The following REV3L variants were observed in gnomAD, a reference collection of about 807,000 sequenced individuals.
REV3L encodes REV3 like, DNA directed polymerase zeta catalytic subunit.
REV3L carries 69 observed loss-of-function variants against 299.4 expected under a neutral mutation model. The observed-to-expected ratio is 0.23, with a 90% CI of 0.19 to 0.28. The LOEUF (loss-of-function observed/expected upper bound fraction) is 0.28. Ranked by LOEUF, REV3L falls within the 10% of genes least tolerant of loss-of-function variation. The probability of loss-of-function intolerance (pLI) is 1.00; values close to 1 mark genes in which losing one functional copy is unlikely to be tolerated. For missense variants in REV3L, 3,128 were observed against 3,693.8 expected, an observed-to-expected ratio of 0.85 and a Z score of 3.97; for synonymous variants, 1,238 against 1,271.4, an observed-to-expected ratio of 0.97 and a Z score of 0.56.
chr6:111,395,867 T>C (rs1045010131), intron 4 of REV3L, among the ~76,000 whole-genome samples: 1 of 152,220 alleles, frequency 6.6e-6, no homozygotes, highest in African/African-American at 2.4e-5. Flanking sequence ...GATCCTTCTA[T>C]GATTAACTTA....
At chr6:111,332,361 A>T (rs532453831) in intron 23 of REV3L, among the ~76,000 whole-genome samples, 36 of 152,132 alleles carry the variant, frequency 2.4e-4, no homozygotes, top group Non-Finnish European at 4.4e-4. Flanking sequence ...GTGAGCCACC[A>T]CGTCCAGCCC....
At chr6:111,377,130 A>G (rs1780393362) in intron 12 of REV3L, among the ~76,000 whole-genome samples, 1 of 152,206 alleles carries the variant, frequency 6.6e-6, no homozygotes, top group South Asian at 2.1e-4. Flanking sequence ...ACAAACATTA[A>G]AGTTTTCAAA....
intron 1 of REV3L, among the ~76,000 whole-genome samples, chr6:111,445,381 TAA>T (rs1788724227): frequency 1.3e-5 from 2 of 152,104 alleles, no homozygotes; most frequent in African/African-American, 4.8e-5. Flanking sequence ...ATCCAAAATA[TAA>T]GTTGCAATTT....
At chr6:111,341,300 G>A (rs899509459) in intron 21 of REV3L, among the ~76,000 whole-genome samples, 1 of 152,144 alleles carries the variant, frequency 6.6e-6, no homozygotes, top group African/African-American at 2.4e-5. Context: ...CGCCCGCCTC[G>A]GCATTCCAAA....
rs1305504440 is a variant in REV3L at position 111,376,617 on chromosome 6, T to C, written c.1738A>G (p.Lys580Glu). The change falls in exon 13 of 32, where the codon AAA (lysine) becomes GAA (glutamate). Residue 580 changes from lysine (K) to glutamate (E), a missense_variant. By Grantham distance (56) the Lys-to-Glu change is moderately conservative. Transcript: ENST00000368802. Reference protein sequence around the residue: ...SSSAKITFQCKHTSALSSHVL... With the variant: ...SSSAKITFQCEHTSALSSHVL... Reference sequence around the variant, plus strand: ...TGGGAAGAAAGGGCACTTGTGTGTTTACACTGAAAGGTAATCTTAGCAGAA... The same window carrying C: ...TGGGAAGAAAGGGCACTTGTGTGTTCACACTGAAAGGTAATCTTAGCAGAA... 1 of 1,613,394 alleles carries C rather than the reference T, an allele frequency of 6.2e-7. No individual in the cohort carries two copies. The highest frequency in any genetic ancestry group is 8.5e-7 in the Non-Finnish European group (1 of 1,179,874).
In REV3L at chr6:111,357,076, G is replaced by A. The variant is rs768366641; in HGVS notation, c.7122C>T (p.Leu2374=). ...PLLIRSGITG[L]EVTYAADEKA... ...TCTCATCAGCAGCATAGGTGACTTC[G>A]AGTCCTGTAATTCCAGATCTAATAA... The change falls in exon 18 of 32, where the codon CTC becomes CTT. Residue 2374 remains leucine, a synonymous_variant. Transcript: ENST00000368802. 4.6e-5 allele frequency: 73 copies of A among 1,600,788 alleles called. No homozygotes were observed. The Middle Eastern group carries it at 6.6e-4, about 15-fold the overall frequency.
rs926261981 is a variant in REV3L, at chr6:111,475,016, CACACACAT to C, written c.139+7726_139+7733del. 1.5e-4 allele frequency among the ~76,000 whole-genome samples: 19 copies of C among 126,366 alleles called. No homozygotes were observed. In the South Asian group the frequency reaches 1.6e-3, roughly 11 times the overall value. The allele number at this position is 126,366 out of a possible 152,430, so 82.9% of individuals were successfully genotyped here. A position where few individuals can be genotyped will look rare whatever the true frequency, so the allele number is the denominator to read the frequency against. ...ACACACACACACACACACACACACACACACACATATGGATTTTATTATAATAAAGAATT... is the reference window on the plus strand; with the variant it reads ...ACACACACACACACACACACACACACATGGATTTTATTATAATAAAGAATT... On this transcript the variant is annotated intron_variant, in intron 1 of 31. Coordinates refer to ENST00000368802, the MANE Select transcript of REV3L (RefSeq NM_001372078.1).
intron 20 of REV3L, among the ~76,000 whole-genome samples, chr6:111,346,355 C>A (rs1244687640): frequency 6.6e-6 from 1 of 152,138 alleles, no homozygotes; most frequent in Non-Finnish European, 1.5e-5. Context: ...ATAAGCATTA[C>A]TATTTAAGAG....
chr6:111,449,745 C>A (rs574858714), intron 1 of REV3L, among the ~76,000 whole-genome samples: 1 of 152,102 alleles, frequency 6.6e-6, no homozygotes, highest in South Asian at 2.1e-4. Context: ...GAATAAAGCT[C>A]AAGAATATTT....
At position 111,460,459 on chromosome 6, in the gene REV3L, C is replaced by T. The variant is rs778521249; in HGVS notation, c.139+22291G>A. ...AATTTAATTCAAATAAAAATATATACGTAAAAGCCATATAACAAACAGTAG... is the reference window on the plus strand; with the variant it reads ...AATTTAATTCAAATAAAAATATATATGTAAAAGCCATATAACAAACAGTAG... On this transcript the variant is annotated intron_variant, in intron 1 of 31. Coordinates refer to ENST00000368802, the MANE Select transcript of REV3L (RefSeq NM_001372078.1). 4.6e-5 allele frequency: 7 copies of T among 151,678 alleles called. No individual in the cohort carries two copies. In the South Asian group the frequency reaches 8.3e-4, roughly 18 times the overall value. The allele number at this position is 151,678 out of a possible 1,614,324, so 9.4% of individuals were successfully genotyped here.
chr6:111,458,779 G>A (rs1790436314), intron 1 of REV3L, among the ~76,000 whole-genome samples: 1 of 151,886 alleles, frequency 6.6e-6, no homozygotes, highest in South Asian at 2.1e-4. Flanking sequence ...TAAAGAATCA[G>A]AAATGACACA....
intron 16 of REV3L, among the ~76,000 whole-genome samples, chr6:111,362,225 GAA>G (rs1778763293): frequency 6.6e-6 from 1 of 152,070 alleles, no homozygotes; most frequent in Admixed American, 6.6e-5. Context: ...TGCTGAATGA[GAA>G]AAATGTGCAA....
chr6:111,449,424 G>A (rs1169156441), intron 1 of REV3L, among the ~76,000 whole-genome samples: 1 of 152,002 alleles, frequency 6.6e-6, no homozygotes, highest in Non-Finnish European at 1.5e-5. Context: ...GAGTAGATCT[G>A]CAGAGGGTTC....
intron 1 of REV3L, among the ~76,000 whole-genome samples, chr6:111,432,996 C>T (rs1417440074): frequency 6.6e-6 from 1 of 151,958 alleles, no homozygotes; most frequent in Non-Finnish European, 1.5e-5. Flanking sequence ...TTTCTTGAAA[C>T]CAAAGGAAAT....
In REV3L at chr6:111,375,710, C is replaced by T. The variant is rs148134079; in HGVS notation, c.2645G>A (p.Arg882His). Residue 882 changes from arginine (R) to histidine (H), a missense_variant, in exon 13 of 32, where the codon CGT becomes CAT. By Grantham distance (29) the Arg-to-His change is conservative. This residue lies in a region of REV3L where 2,409 missense variants were observed against 2,611.8 expected (regional missense o/e 0.92). Coordinates refer to ENST00000368802, the MANE Select transcript of REV3L (RefSeq NM_001372078.1). ...ALASDLTKTT[R>H]GAFENKTPTD... is the part of the protein sequence containing the mutation. ...GGGTGTTTTATTTTCAAAAGCTCCACGAGTGGTTTTAGTTAAATCACTAGC... is the reference window on the plus strand; with the variant it reads ...GGGTGTTTTATTTTCAAAAGCTCCATGAGTGGTTTTAGTTAAATCACTAGC... 133 of 1,613,962 alleles carry T rather than the reference C, an allele frequency of 8.2e-5. 1 individual carries two copies. In the South Asian group the frequency reaches 1.0e-3, roughly 12 times the overall value.
chr6:111,434,683 T>C (rs1787346209), intron 1 of REV3L, among the ~76,000 whole-genome samples: 1 of 142,778 alleles, frequency 7.0e-6, no homozygotes. Flanking sequence ...CATACAAAAA[T>C]CAGTAGCATT....
chr6:111,427,776 G>A (rs1382793779), intron 1 of REV3L, among the ~76,000 whole-genome samples: 1 of 152,086 alleles, frequency 6.6e-6, no homozygotes, highest in Non-Finnish European at 1.5e-5. Flanking sequence ...TGGGAGCAGT[G>A]GAAATACCTA....
At chr6:111,409,015 T>C (rs1783952507) in intron 3 of REV3L, among the ~76,000 whole-genome samples, 1 of 152,192 alleles carries the variant, frequency 6.6e-6, no homozygotes, top group African/African-American at 2.4e-5. Context: ...TAAACTCCTA[T>C]GTTAACATAA....
intron 3 of REV3L, among the ~76,000 whole-genome samples, chr6:111,408,003 A>G (rs1268027019): frequency 6.6e-6 from 1 of 152,134 alleles, no homozygotes; most frequent in Non-Finnish European, 1.5e-5. Flanking sequence ...TCTTTCAAGG[A>G]GAATGGCTAA....
Sources: allele counts gnomAD v4.1 joint callset (sites outside exome capture counted in the v4.1 genomes callset), GRCh38; gene constraint gnomAD v4.1.1; regional missense constraint gnomAD v4.1.1; transcripts MANE v1.5; gene names NCBI Gene and HGNC (gene_info 2026-07-23, HGNC 2026-07-21).